Variants in LONRF1 observed in about 807,000 individuals in gnomAD.
The protein encoded by LONRF1 is LON peptidase N-terminal domain and ring finger 1.
Under a neutral mutation model 85.8 loss-of-function variants are expected in LONRF1, and 37 were observed. That is an observed-to-expected ratio of 0.43 (90% CI 0.33 to 0.57). The LOEUF is 0.57. LONRF1 is among the 20% of genes least tolerant of loss of function. LONRF1 has a pLI of 0.04. For missense variants in LONRF1, 1,036 were observed against 978.0 expected (o/e 1.06, Z -0.79); for synonymous variants, 517 against 390.1 (o/e 1.33, Z -3.83).
chr8:12,732,844 C>A (rs1164525960), intron 7 of LONRF1, among the ~76,000 whole-genome samples: 1 of 152,066 alleles, frequency 6.6e-6, no homozygotes, highest in African/African-American at 2.4e-5. Flanking sequence ...AGAAAATGCC[C>A]AATACATATT....
rs756738735 is a variant in LONRF1, at chr8:12,731,750, A to T, written c.1674T>A (p.Thr558=). The T allele has an allele frequency of 6.2e-7, 1 of 1,612,034 alleles. No homozygotes were observed. The highest frequency in any genetic ancestry group is 1.3e-5 in the African/African-American group (1 of 74,892). ...AAGAAACTTACTGTGAGAGTTCAGC[A>T]GTTTCTTCATCATATATTTTTTTTC... ...SERKKIYDEE[T]AELSHLTKNV... Residue 558 remains threonine, a synonymous_variant, in exon 8 of 12, where the codon ACT becomes ACA. Coordinates refer to ENST00000398246, the MANE Select transcript of LONRF1 (RefSeq NM_152271.5).
intron 1 of LONRF1, among the ~76,000 whole-genome samples, chr8:12,752,239 G>C (rs1453685104): frequency 6.6e-6 from 1 of 152,152 alleles, no homozygotes; most frequent in Non-Finnish European, 1.5e-5. Context: ...CATGTCAAAT[G>C]CCTAGCTTGC....
intron 1 of LONRF1, among the ~76,000 whole-genome samples, chr8:12,747,937 C>T (rs1176020454): frequency 6.6e-6 from 1 of 152,112 alleles, no homozygotes; most frequent in African/African-American, 2.4e-5. Context: ...GTGTAAAGTA[C>T]ATTTTTAACA....
At chr8:12,737,200 C>T (rs1003333692) in intron 4 of LONRF1, 60 bp from the exon 5 acceptor site, 53 of 1,574,338 alleles carry the variant, frequency 3.4e-5, no homozygotes, top group Non-Finnish European at 4.4e-5. Context: ...ATTCCTCTCA[C>T]CAAGAATCAA....
Position 12,754,835 on chromosome 8 carries a change from C to T in LONRF1, c.586G>A (p.Val196Ile). The change falls in exon 1 of 12, where the codon GTC becomes ATC. Residue 196 changes from valine (V) to isoleucine (I), a missense_variant. Physicochemically the swap from Val to Ile is conservative, Grantham distance 29. Coordinates refer to ENST00000398246, the MANE Select transcript of LONRF1 (RefSeq NM_152271.5). ...CACTTCTCGGCCAGGTGGTTGAGGA[C>T]GACGCTGGTTCTGAAGTCTGAAGCG... is the stretch of plus-strand genomic sequence containing the variant. Reference protein sequence around the residue: ...IAASDFRTSVVLNHLAEKWFP... With the variant: ...IAASDFRTSVILNHLAEKWFP... 2 of 1,494,806 alleles carry T rather than the reference C, an allele frequency of 1.3e-6. No individual in the cohort carries two copies. The highest frequency in any genetic ancestry group is 1.8e-6 in the Non-Finnish European group (2 of 1,127,552). 92.6% of individuals were successfully genotyped at this position (1,494,806 alleles called of 1,614,324 possible).
rs183064386 is a variant in LONRF1 at position 12,729,131 on chromosome 8, G to A, written c.1847+43C>T. On this transcript the variant is annotated intron_variant, in intron 9 of 11. Transcript: ENST00000398246. ...ATGCAAGTTCTCATCCATATTGAGAGGTCTAACATAAATACAAATATTTAG... is the reference window on the plus strand; with the variant it reads ...ATGCAAGTTCTCATCCATATTGAGAAGTCTAACATAAATACAAATATTTAG... The A allele has an allele frequency of 3.8e-4, 607 of 1,611,620 alleles. 2 individuals are homozygous for A. Among genetic ancestry groups the A allele is most frequent in the Non-Finnish European group, 4.9e-4 (572 of 1,177,984 alleles).
chr8:12,749,048 C>A (rs931326425), intron 1 of LONRF1, among the ~76,000 whole-genome samples: 1 of 152,180 alleles, frequency 6.6e-6, no homozygotes, highest in African/African-American at 2.4e-5. Flanking sequence ...AAAACACCTA[C>A]ATTTTATAAC....
chr8:12,752,796 A>C (rs1312798206), intron 1 of LONRF1, among the ~76,000 whole-genome samples: 1 of 152,202 alleles, frequency 6.6e-6, no homozygotes, highest in Non-Finnish European at 1.5e-5. Context: ...GAAACCCCTA[A>C]TTCAAGGTCA....
At chr8:12,725,668 G>T in intron 11 of LONRF1, 59 bp downstream of exon 11, 1 of 1,522,196 alleles carries the variant, frequency 6.6e-7, no homozygotes, top group African/African-American at 1.4e-5. Flanking sequence ...AAATGTAGAA[G>T]TGTGCAAATT....
rs113502255 is a variant in LONRF1 at position 12,738,221 on chromosome 8, A to G, written c.964-77T>C. 2.4e-3 allele frequency: 2,370 copies of G among 983,822 alleles called. 35 individuals carry two copies. The African/African-American group carries it at 0.037, about 15-fold the overall frequency. 60.9% of individuals were successfully genotyped at this position (983,822 alleles called of 1,614,324 possible). On this transcript the variant is annotated intron_variant, in intron 3 of 11. Transcript: ENST00000398246. ...ATAATTTTGTATAAATTTACCTAAT[A>G]AAGAATATGTAGAAAGTTTGTAGCA... is the stretch of plus-strand genomic sequence containing the variant.
At chr8:12,737,176 C>T in intron 4 of LONRF1, 36 bp from the exon 5 acceptor site, 1 of 1,595,770 alleles carries the variant, frequency 6.3e-7, no homozygotes, top group Non-Finnish European at 8.6e-7. Flanking sequence ...AACTGTATTT[C>T]TTTACTATCC....
intron 8 of LONRF1, among the ~76,000 whole-genome samples, 175 bp downstream of exon 8, chr8:12,731,561 C>T (rs546585225): frequency 3.2e-4 from 48 of 152,218 alleles, no homozygotes; most frequent in Non-Finnish European, 5.9e-4. Context: ...TATAAAACAT[C>T]CGGATGTTAC....
intron 11 of LONRF1, among the ~76,000 whole-genome samples, chr8:12,725,346 C>A (rs1326728299): frequency 1.3e-5 from 2 of 152,194 alleles, no homozygotes; most frequent in Non-Finnish European, 2.9e-5. Context: ...AGTCTCTCTG[C>A]TGTCAAAGAA....
chr8:12,732,903 T>C (rs74984788), intron 7 of LONRF1, among the ~76,000 whole-genome samples: 1 of 152,200 alleles, frequency 6.6e-6, no homozygotes, highest in African/African-American at 2.4e-5. Context: ...TATCACAAGA[T>C]GAAGCCATCC....
At chr8:12,737,439 G>A (rs1306687591) in intron 4 of LONRF1, 2 of 517,636 alleles carry the variant, frequency 3.9e-6, no homozygotes, top group African/African-American at 1.9e-5. Flanking sequence ...AGACAATACA[G>A]TATAACAACT....
In LONRF1 at chr8:12,738,951, A is replaced by G. The variant is rs555508498; in HGVS notation, c.964-807T>C. On this transcript the variant is annotated intron_variant, in intron 3 of 11. Transcript: ENST00000398246. Reference sequence around the variant, plus strand: ...ATACACAAAAATCAAAATAAATCACAAATCATTTATGGAAATATAAACAAT... The same window carrying G: ...ATACACAAAAATCAAAATAAATCACGAATCATTTATGGAAATATAAACAAT... Among the ~76,000 whole-genome samples the G allele has an allele frequency of 2.6e-5, 4 of 152,308 alleles. No homozygotes were observed. The South Asian group carries it at 8.3e-4, about 32-fold the overall frequency.
At chr8:12,735,184 T>A in intron 7 of LONRF1, 102 bp downstream of exon 7, 2 of 735,818 alleles carry the variant, frequency 2.7e-6, no homozygotes, top group East Asian at 2.7e-5. Context: ...GAATATAGAA[T>A]GTAATTCTGA....
chr8:12,743,866 A>T (rs1405391823), intron 1 of LONRF1, among the ~76,000 whole-genome samples: 2 of 152,010 alleles, frequency 1.3e-5, no homozygotes, highest in Non-Finnish European at 2.9e-5. Flanking sequence ...TATTGGCCCA[A>T]TTCAAAATAT....
chr8:12,726,073 G>C (rs1798285967), intron 10 of LONRF1, 194 bp from the exon 11 acceptor site: 1 of 492,410 alleles, frequency 2.0e-6, no homozygotes, highest in Non-Finnish European at 3.6e-6. Context: ...ACTAAAGAAA[G>C]ACAACAAGGC....
Sources: allele counts gnomAD v4.1 joint callset (sites outside exome capture counted in the v4.1 genomes callset), GRCh38; gene constraint gnomAD v4.1.1; transcripts MANE v1.5; gene names NCBI Gene and HGNC (gene_info 2026-07-23, HGNC 2026-07-21).